The following VAV2 variants were observed in gnomAD, a reference collection of about 807,000 sequenced individuals.
The protein encoded by VAV2 is vav guanine nucleotide exchange factor 2, also known as guanine nucleotide exchange factor VAV2.
In VAV2, 67 loss-of-function variants were observed where a neutral mutation model predicts 132.5. The observed-to-expected ratio is 0.51, with a 90% CI of 0.42 to 0.62. The LOEUF (loss-of-function observed/expected upper bound fraction) is 0.62, where lower values mean the gene tolerates loss of function less well. Ranked by LOEUF, VAV2 falls within the 20% of genes least tolerant of loss-of-function variation. The probability of loss-of-function intolerance (pLI) is 0.00; values close to 1 mark genes in which losing one functional copy is unlikely to be tolerated. For synonymous variants in VAV2, 492 were observed against 443.5 expected, an observed-to-expected ratio of 1.11 and a Z score of -1.37; for missense variants, 938 against 1,153.6, an observed-to-expected ratio of 0.81 and a Z score of 2.71.
intron 19 of VAV2, among the ~76,000 whole-genome samples, chr9:133,780,978 C>G (rs1833987221): frequency 6.6e-6 from 1 of 152,208 alleles, no homozygotes; most frequent in Admixed American, 6.5e-5. Context: ...TAGACCTGAG[C>G]TGGCAAAAAG....
chr9:133,810,608 C>T (rs115738707), intron 5 of VAV2, among the ~76,000 whole-genome samples: 6,684 of 152,228 alleles, frequency 0.044, 188 homozygotes, highest in Middle Eastern at 0.071. Context: ...CTGGACAGCT[C>T]GAGACCAGCG....
chr9:133,988,571 T>C (rs1218622545), intron 1 of VAV2, among the ~76,000 whole-genome samples: 3 of 152,172 alleles, frequency 2.0e-5, no homozygotes. Context: ...GATTTTTCTA[T>C]GACCCAACCA....
rs1836076352 is a variant in VAV2, at chr9:133,827,636, G to GAGCAC, written c.449+6635_449+6636insGTGCT. ...GCCCACTGAGGCTGACCACTGAGTG[G>GAGCAC]GGGCATCACCACCTACCGCTGCGCC... On this transcript the variant is annotated intron_variant, in intron 4 of 29. Coordinates refer to ENST00000371850, the MANE Select transcript of VAV2 (RefSeq NM_001134398.2). Among the ~76,000 whole-genome samples the GAGCAC allele has an allele frequency of 1.2e-3, 4 of 3,400 alleles. 1 individual carries two copies. The highest frequency in any genetic ancestry group is 3.1e-3 in the Non-Finnish European group (4 of 1,292). The allele number at this position is 3,400 out of a possible 152,430, so 2.2% of individuals were successfully genotyped here.
chr9:133,869,304 G>A (rs997281590), intron 2 of VAV2, among the ~76,000 whole-genome samples: 1 of 152,056 alleles, frequency 6.6e-6, no homozygotes, highest in East Asian at 1.9e-4. Flanking sequence ...CTTAAACAAC[G>A]ACAACAACAA....
intron 14 of VAV2, 55 bp downstream of exon 14, chr9:133,789,203 G>A: frequency 1.9e-6 from 3 of 1,594,650 alleles, no homozygotes; most frequent in Non-Finnish European, 1.7e-6. Context: ...TCCCTGGGAG[G>A]GAGAGCCAGA....
intron 1 of VAV2, among the ~76,000 whole-genome samples, chr9:133,945,378 A>G (rs1841321877): frequency 6.6e-6 from 1 of 152,230 alleles, no homozygotes; most frequent in African/African-American, 2.4e-5. Context: ...GAATGGGGCC[A>G]GAGAGGAGGG....
chr9:133,876,870 C>G (rs1838286201), intron 2 of VAV2, among the ~76,000 whole-genome samples: 1 of 152,118 alleles, frequency 6.6e-6, no homozygotes, highest in African/African-American at 2.4e-5. Flanking sequence ...TGCCAGGAGA[C>G]ACAGAAAGGG....
At position 133,794,901 on chromosome 9, in the gene VAV2, G is replaced by A. The variant is rs1157034548; in HGVS notation, c.1101+767C>T. ...AGTTCCCTGAGGACAGAACCCAGTG[G>A]GGGGCGATCCTCCCTGGAAAACGTT... On this transcript the variant is annotated intron_variant, in intron 12 of 29. Coordinates refer to ENST00000371850, the MANE Select transcript of VAV2 (RefSeq NM_001134398.2). The surrounding 1 kb of genome is among the most constrained non-coding windows in gnomAD (Gnocchi z 4.6). 1.3e-5 allele frequency among the ~76,000 whole-genome samples: 2 copies of A among 152,216 alleles called. No homozygotes were observed. The highest frequency in any genetic ancestry group is 4.8e-5 in the African/African-American group (2 of 41,448).
intron 27 of VAV2, 56 bp downstream of exon 27, chr9:133,770,322 G>T: frequency 6.2e-7 from 1 of 1,609,284 alleles, no homozygotes; most frequent in South Asian, 1.1e-5. Context: ...CTGGGAAGTG[G>T]GCCAGGGCAG....
chr9:133,968,357 A>T (rs1036766242), intron 1 of VAV2, among the ~76,000 whole-genome samples: 14 of 152,190 alleles, frequency 9.2e-5, no homozygotes, highest in Non-Finnish European at 1.6e-4. Context: ...CATACCCCAT[A>T]AACAACGTAC....
At chr9:133,903,816 C>A (rs1839537251) in intron 2 of VAV2, among the ~76,000 whole-genome samples, 1 of 152,214 alleles carries the variant, frequency 6.6e-6, no homozygotes, top group South Asian at 2.1e-4. Context: ...CAGGTCCACA[C>A]TGAGACCCGG....
Position 133,939,235 on chromosome 9 carries a change from A to G in VAV2, c.205-16T>C. ...AACACAGAAACTAAAGGGAAAAAAC[A>G]AAGGGAGGGCAAGGAAAAACTTATT... On this transcript the variant is annotated splice_polypyrimidine_tract_variant and intron_variant, in intron 1 of 29. Transcript: ENST00000371850. The G allele has an allele frequency of 1.2e-6, 2 of 1,608,416 alleles. No individual in the cohort carries two copies. The highest frequency in any genetic ancestry group is 8.5e-7 in the Non-Finnish European group (1 of 1,174,720).
At chr9:133,776,946 G>A (rs534832572) in intron 23 of VAV2, among the ~76,000 whole-genome samples, 2 of 152,288 alleles carry the variant, frequency 1.3e-5, no homozygotes, top group South Asian at 2.1e-4. Flanking sequence ...ATATCCCTCA[G>A]ATGAAAGAAA....
intron 3 of VAV2, among the ~76,000 whole-genome samples, chr9:133,855,751 G>A (rs1020128733): frequency 6.6e-6 from 1 of 152,198 alleles, no homozygotes; most frequent in Non-Finnish European, 1.5e-5. Context: ...TTCAATACGG[G>A]TATGTCTGAT....
chr9:133,990,479 C>G (rs1221689260), intron 1 of VAV2, among the ~76,000 whole-genome samples: 1 of 152,162 alleles, frequency 6.6e-6, no homozygotes, highest in African/African-American at 2.4e-5. Context: ...CCGGACCCAG[C>G]GAGTCCACCA....
rs572010002 is a variant in VAV2, at chr9:133,786,074, C to T, written c.1423-189G>A. On this transcript the variant is annotated intron_variant, in intron 16 of 29. Coordinates refer to ENST00000371850, the MANE Select transcript of VAV2 (RefSeq NM_001134398.2). ...CTCTTGCCCATGCTGTACGTGCACA[C>T]GTGCCTCTGTATGCATGCATGTATA... The T allele has an allele frequency of 1.0e-4, 65 of 644,044 alleles. 1 individual carries two copies. In the Middle Eastern group the frequency reaches 3.9e-3, roughly 39 times the overall value. 39.9% of individuals were successfully genotyped at this position (644,044 alleles called of 1,614,324 possible).
intron 2 of VAV2, among the ~76,000 whole-genome samples, chr9:133,924,438 C>T (rs187033387): frequency 2.0e-5 from 3 of 152,344 alleles, no homozygotes; most frequent in Admixed American, 6.5e-5. Flanking sequence ...CCACTGGCCT[C>T]GGCCTCCCAA....
At chr9:133,836,127 C>T (rs541428621) in intron 3 of VAV2, among the ~76,000 whole-genome samples, 1 of 152,332 alleles carries the variant, frequency 6.6e-6, no homozygotes, top group African/African-American at 2.4e-5. Flanking sequence ...CCATCTCCTC[C>T]CATGATATGC....
intron 1 of VAV2, among the ~76,000 whole-genome samples, chr9:133,960,514 C>T (rs1285743821): frequency 6.6e-6 from 1 of 152,222 alleles, no homozygotes; most frequent in Non-Finnish European, 1.5e-5. Context: ...TCCTCAAAGC[C>T]TCTCCCCCAA....
Sources: allele counts gnomAD v4.1 joint callset (sites outside exome capture counted in the v4.1 genomes callset), GRCh38; gene constraint gnomAD v4.1.1; non-coding constraint Gnocchi (gnomAD v3.1); transcripts MANE v1.5; gene names NCBI Gene and HGNC (gene_info 2026-07-23, HGNC 2026-07-21).